PRKN: variants seen among roughly 807,000 people sequenced by gnomAD.
PRKN encodes parkin RBR E3 ubiquitin protein ligase.
PRKN carries 56 observed loss-of-function variants against 59.5 expected under a neutral mutation model. That is an observed-to-expected ratio of 0.94 (90% CI 0.76 to 1.18). PRKN has a LOEUF of 1.18. PRKN is among the 50% of genes most tolerant of loss of function. The pLI is 0.00. For synonymous variants in PRKN, 250 were observed against 222.1 expected, an observed-to-expected ratio of 1.13 and a Z score of -1.12; for missense variants, 657 against 596.4, an observed-to-expected ratio of 1.10 and a Z score of -1.06.
chr6:162,155,801 G>GA (rs35890771), intron 4 of PRKN, among the ~76,000 whole-genome samples: 17 of 140,950 alleles, frequency 1.2e-4, no homozygotes, highest in African/African-American at 3.1e-4. Context: ...TTTCAGTTAA[G>GA]AAAAAAAAAA....
intron 7 of PRKN, among the ~76,000 whole-genome samples, chr6:161,781,038 G>C (rs1313182024): frequency 6.6e-6 from 1 of 152,192 alleles, no homozygotes; most frequent in Non-Finnish European, 1.5e-5. Context: ...AAACATGGCT[G>C]AAGCTATGAA....
At chr6:162,353,134 T>G (rs900713183) in intron 2 of PRKN, among the ~76,000 whole-genome samples, 1 of 152,184 alleles carries the variant, frequency 6.6e-6, no homozygotes, top group Non-Finnish European at 1.5e-5. Flanking sequence ...AATGCCACCA[T>G]GCTCTCAACC....
intron 2 of PRKN, among the ~76,000 whole-genome samples, chr6:162,285,537 C>G (rs1781148953): frequency 6.6e-6 from 1 of 151,386 alleles, no homozygotes; most frequent in African/African-American, 2.4e-5. Flanking sequence ...CGCAATTACA[C>G]TGAAACCAGT....
Position 162,378,604 on chromosome 6 carries a change from G to T in PRKN, c.171+64706C>A, listed in dbSNP as rs557364253. ...CTTGTATTTTCAGGATAATAAGACT[G>T]GTGAGGCTAGTTATCAAGTGCCTAT... On this transcript the variant is annotated intron_variant, in intron 2 of 11. Coordinates refer to ENST00000366898, the MANE Select transcript of PRKN (RefSeq NM_004562.3). Among the ~76,000 whole-genome samples, 3 of 152,352 alleles carry T rather than the reference G, an allele frequency of 2.0e-5. No individual in the cohort carries two copies. The South Asian group carries it at 6.2e-4, about 32-fold the overall frequency.
At chr6:161,884,743 T>C (rs1417728701) in intron 6 of PRKN, among the ~76,000 whole-genome samples, 1 of 152,198 alleles carries the variant, frequency 6.6e-6, no homozygotes, top group Non-Finnish European at 1.5e-5. Context: ...GAATCTGTAG[T>C]AGTCAATGAG....
intron 6 of PRKN, among the ~76,000 whole-genome samples, chr6:161,907,930 T>C (rs1778209134): frequency 6.6e-6 from 1 of 151,924 alleles, no homozygotes; most frequent in South Asian, 2.1e-4. Context: ...ACACAAAAAT[T>C]AGCCGGGTGT....
chr6:161,519,013 C>A (rs1778719470), intron 9 of PRKN, among the ~76,000 whole-genome samples: 1 of 152,176 alleles, frequency 6.6e-6, no homozygotes, highest in African/African-American at 2.4e-5. Flanking sequence ...AGACTTCAGA[C>A]AGAGAGCATA....
At chr6:161,942,356 C>G (rs1249790968) in intron 6 of PRKN, among the ~76,000 whole-genome samples, 3 of 152,014 alleles carry the variant, frequency 2.0e-5, no homozygotes, top group Non-Finnish European at 4.4e-5. Context: ...CATGGTGAAA[C>G]CCTGTCTTTA....
chr6:162,721,022 A>G (rs1007703267), intron 1 of PRKN, among the ~76,000 whole-genome samples: 2 of 152,254 alleles, frequency 1.3e-5, no homozygotes, highest in Non-Finnish European at 2.9e-5. Flanking sequence ...TACAAAAATA[A>G]GAACTTTTTA....
chr6:162,658,138 T>C (rs1368770152), intron 1 of PRKN, among the ~76,000 whole-genome samples: 1 of 152,148 alleles, frequency 6.6e-6, no homozygotes. Flanking sequence ...AATCACTGCA[T>C]TGCATTGGTG....
At chr6:162,489,713 C>T (rs1792719104) in intron 1 of PRKN, among the ~76,000 whole-genome samples, 1 of 152,144 alleles carries the variant, frequency 6.6e-6, no homozygotes, top group East Asian at 1.9e-4. Context: ...AAAATTATTT[C>T]CAATTTGCCT....
In PRKN at chr6:161,577,876, C is replaced by T. The variant is rs190751266; in HGVS notation, c.872-8460G>A. 7.2e-5 allele frequency among the ~76,000 whole-genome samples: 11 copies of T among 152,240 alleles called. No homozygotes were observed. In the South Asian group the frequency reaches 2.1e-3, roughly 29 times the overall value. ...AGAATCAGTCTCATTGATAATGAGA[C>T]ACGATCAGAAATTTTCATTTCACAA... On this transcript the variant is annotated intron_variant, in intron 7 of 11. Coordinates refer to ENST00000366898, the MANE Select transcript of PRKN (RefSeq NM_004562.3).
rs201282636 is a variant in PRKN, at chr6:162,720,467, G to A, written c.7+7195C>T. Among the ~76,000 whole-genome samples the A allele has an allele frequency of 5.0e-3, 632 of 126,340 alleles. 5 individuals are homozygous for A. The highest frequency in any genetic ancestry group is 0.017 in the African/African-American group (575 of 33,288). 82.9% of individuals were successfully genotyped at this position (126,340 alleles called of 152,430 possible). A position where few individuals can be genotyped will look rare whatever the true frequency, so the allele number is the denominator to read the frequency against. On this transcript the variant is annotated intron_variant, in intron 1 of 11. Transcript: ENST00000366898. ...TTTTTTTTTTTTTTTTTTTTGAGAC[G>A]GAGTCTCGCTCTGTCGCCCAGGCCG...
In PRKN at chr6:162,402,862, C is replaced by T. The variant is rs573538269; in HGVS notation, c.171+40448G>A. On this transcript the variant is annotated intron_variant, in intron 2 of 11. Coordinates refer to ENST00000366898, the MANE Select transcript of PRKN (RefSeq NM_004562.3). The stretch of plus-strand genomic sequence containing the variant: ...AGAGACAAGGTCCTGCTGTATTGCC[C>T]GGGCTGGTTTCACACTCCTAGGCTC... Among the ~76,000 whole-genome samples the T allele has an allele frequency of 1.4e-4, 21 of 151,940 alleles. No individual in the cohort carries two copies. In the South Asian group the frequency reaches 2.9e-3, roughly 21 times the overall value.
intron 6 of PRKN, among the ~76,000 whole-genome samples, chr6:161,894,865 T>C (rs1385072642): frequency 6.6e-6 from 1 of 152,218 alleles, no homozygotes; most frequent in East Asian, 1.9e-4. Flanking sequence ...TGTATTTATT[T>C]AATGAGGATA....
At chr6:162,305,002 C>T (rs1782157991) in intron 2 of PRKN, among the ~76,000 whole-genome samples, 1 of 152,138 alleles carries the variant, frequency 6.6e-6, no homozygotes, top group African/African-American at 2.4e-5. Context: ...CTGCTGAGGA[C>T]ATTGTGAGAC....
chr6:162,697,632 A>AG (rs1240421910), intron 1 of PRKN, among the ~76,000 whole-genome samples: 7 of 152,318 alleles, frequency 4.6e-5, no homozygotes, highest in African/African-American at 1.7e-4. Context: ...TGGCGTCAAA[A>AG]GTTGGGAAGC....
intron 6 of PRKN, among the ~76,000 whole-genome samples, chr6:161,946,620 C>A (rs1779792974): frequency 6.6e-6 from 1 of 151,958 alleles, no homozygotes; most frequent in South Asian, 2.1e-4. Context: ...CTGAGATCCA[C>A]CAAAAAACAT....
At chr6:162,469,445 C>A (rs187813675) in intron 1 of PRKN, among the ~76,000 whole-genome samples, 378 of 151,658 alleles carry the variant, frequency 2.5e-3, no homozygotes, top group African/African-American at 8.3e-3. Flanking sequence ...AAATGCGGAA[C>A]CAGCCCAAAT....
Sources: gnomAD v4.1 joint callset for allele counts (sites outside exome capture counted in the v4.1 genomes callset) on GRCh38, gnomAD v4.1.1 for gene constraint, MANE v1.5 for transcripts, NCBI Gene and HGNC (gene_info 2026-07-23, HGNC 2026-07-21) for gene names.